The following CCDC171 variants were observed in gnomAD, a reference collection of about 807,000 sequenced individuals.
CCDC171 encodes the protein coiled-coil domain containing 171.
Under a neutral mutation model 168.2 loss-of-function variants are expected in CCDC171, and 177 were observed. The observed-to-expected ratio is 1.05, with a 90% CI of 0.93 to 1.19. CCDC171 has a LOEUF of 1.19. CCDC171 is among the 50% of genes most tolerant of loss of function. The pLI is 0.00. For missense variants in CCDC171, 1,991 were observed against 1,539.0 expected (o/e 1.29, Z -4.91); for synonymous variants, 687 against 540.8 (o/e 1.27, Z -3.75).
At chr9:15,645,047 C>G (rs752905896) in intron 7 of CCDC171, among the ~76,000 whole-genome samples, 3 of 152,212 alleles carry the variant, frequency 2.0e-5, no homozygotes, top group Non-Finnish European at 2.9e-5. Context: ...GACGAAGCTT[C>G]CAGAGGAACG....
intron 7 of CCDC171, among the ~76,000 whole-genome samples, chr9:15,641,942 T>C (rs1376721522): frequency 6.6e-6 from 1 of 152,116 alleles, no homozygotes; most frequent in Admixed American, 6.5e-5. Context: ...GGTGGGCGGA[T>C]CACTTGAGGT....
At chr9:15,822,124 A>G (rs1476764884) in intron 21 of CCDC171, among the ~76,000 whole-genome samples, 2 of 152,220 alleles carry the variant, frequency 1.3e-5, no homozygotes, top group Non-Finnish European at 2.9e-5. Context: ...AAAACTGGCT[A>G]GCCATATGTA....
chr9:16,023,906 T>A (rs995358843), intron 6 of CCDC171, among the ~76,000 whole-genome samples: 1 of 138,162 alleles, frequency 7.2e-6, no homozygotes, highest in African/African-American at 2.7e-5. Flanking sequence ...AAAGGAACTT[T>A]CTGGTTAAAT....
At chr9:15,593,337 A>G (rs2042126489) in intron 5 of CCDC171, among the ~76,000 whole-genome samples, 1 of 152,116 alleles carries the variant, frequency 6.6e-6, no homozygotes, top group Non-Finnish European at 1.5e-5. Flanking sequence ...AGCAAATTGC[A>G]TTTTATGTTT....
intron 5 of CCDC171, 125 bp downstream of exon 5, chr9:15,591,681 A>T (rs2042017784): frequency 3.3e-6 from 2 of 612,680 alleles, no homozygotes; most frequent in African/African-American, 2.0e-5. Context: ...CCTCCCTCCC[A>T]TTTTTTCTTT....
chr9:15,645,697 A>G (rs1018895074), intron 7 of CCDC171, among the ~76,000 whole-genome samples: 4 of 152,184 alleles, frequency 2.6e-5, no homozygotes, highest in African/African-American at 7.2e-5. Context: ...AGTTTAGAGA[A>G]AAAAGAGTAA....
At chr9:15,843,889 A>G (rs569106706) in intron 21 of CCDC171, among the ~76,000 whole-genome samples, 3 of 152,200 alleles carry the variant, frequency 2.0e-5, no homozygotes, top group African/African-American at 7.2e-5. Context: ...CAGGATCTTC[A>G]TTCTTCTCCC....
At chr9:15,749,286 T>C (rs1170004662) in intron 18 of CCDC171, among the ~76,000 whole-genome samples, 1 of 152,116 alleles carries the variant, frequency 6.6e-6, no homozygotes. Context: ...CCTAAATATA[T>C]ATGCACCCAA....
At chr9:15,936,697 G>A (rs1302318378) in intron 25 of CCDC171, among the ~76,000 whole-genome samples, 1 of 152,002 alleles carries the variant, frequency 6.6e-6, no homozygotes, top group Non-Finnish European at 1.5e-5. Flanking sequence ...TGCGCTCCAG[G>A]CATAAGAAAT....
chr9:15,600,968 T>G (rs1486415852), intron 6 of CCDC171, among the ~76,000 whole-genome samples: 1 of 152,306 alleles, frequency 6.6e-6, no homozygotes, highest in East Asian at 1.9e-4. Context: ...GTGTGCCGTT[T>G]GCTAAGACTG....
chr9:15,974,501 T>C (rs1362332343), downstream of CCDC171, among the ~76,000 whole-genome samples: 4 of 152,198 alleles, frequency 2.6e-5, no homozygotes, highest in African/African-American at 9.7e-5. Flanking sequence ...CACTTCCGAA[T>C]GTGGATTTTC....
intron 21 of CCDC171, among the ~76,000 whole-genome samples, chr9:15,814,993 A>G (rs537330926): frequency 6.6e-6 from 1 of 152,342 alleles, no homozygotes; most frequent in Non-Finnish European, 1.5e-5. Flanking sequence ...AAGTCTGTCC[A>G]TGAAAAATCT....
rs1433796123 is a variant in CCDC171 at position 15,784,523 on chromosome 9, T to C, written c.3096T>C (p.His1032=). 23 of 1,612,178 alleles carry C rather than the reference T, an allele frequency of 1.4e-5. No individual in the cohort carries two copies. Among genetic ancestry groups the C allele is most frequent in the African/African-American group, 2.7e-5 (2 of 74,860 alleles). Residue 1032 remains histidine, a synonymous_variant, in exon 21 of 26, where the codon CAT becomes CAC. Coordinates refer to ENST00000380701, the MANE Select transcript of CCDC171 (RefSeq NM_173550.4). ...NEFKQSKLIT[H]EKFESACEEL... is the part of the protein sequence containing the mutation. Reference sequence around the variant, plus strand: ...CCTTTTTACAGAAATTGATCACCCATGAGAAGTTTGAAAGTGCATGTGAAG... The same window carrying C: ...CCTTTTTACAGAAATTGATCACCCACGAGAAGTTTGAAAGTGCATGTGAAG...
intron 24 of CCDC171, 68 bp from the exon 25 acceptor site, chr9:15,920,202 A>G: frequency 9.9e-7 from 1 of 1,013,300 alleles, no homozygotes; most frequent in Non-Finnish European, 1.3e-6. Context: ...TTGCTTTCAA[A>G]TTATGGAAAT....
chr9:15,924,537 A>G (rs753955930), intron 25 of CCDC171, among the ~76,000 whole-genome samples: 12 of 151,374 alleles, frequency 7.9e-5, no homozygotes, highest in Non-Finnish European at 1.2e-4. Context: ...CTAACCTAAC[A>G]CTTTCAACTA....
intron 1 of CCDC171, among the ~76,000 whole-genome samples, chr9:16,047,844 G>A (rs1026733960): frequency 6.6e-5 from 10 of 152,196 alleles, no homozygotes; most frequent in African/African-American, 2.2e-4. Flanking sequence ...AAATATTCTC[G>A]ATCATCATTG....
At chr9:15,954,595 C>T (rs1364583501) in intron 25 of CCDC171, among the ~76,000 whole-genome samples, 2 of 151,778 alleles carry the variant, frequency 1.3e-5, no homozygotes, top group Non-Finnish European at 2.9e-5. Context: ...AGACTCTGTT[C>T]ACTTTTCTTC....
rs550084258 is a variant in CCDC171 at position 15,581,375 on chromosome 9, A to T, written c.352+2352A>T. Among the ~76,000 whole-genome samples, 5 of 152,324 alleles carry T rather than the reference A, an allele frequency of 3.3e-5. No individual in the cohort carries two copies. In the East Asian group the frequency reaches 9.6e-4, roughly 29 times the overall value. On this transcript the variant is annotated intron_variant, in intron 4 of 25. Coordinates refer to ENST00000380701, the MANE Select transcript of CCDC171 (RefSeq NM_173550.4). ...ACTGCCCAAAGTAATGTATAGATTGAATGCTGTCCCCATCAAGCTACCACT... is the reference window on the plus strand; with the variant it reads ...ACTGCCCAAAGTAATGTATAGATTGTATGCTGTCCCCATCAAGCTACCACT...
intron 21 of CCDC171, among the ~76,000 whole-genome samples, chr9:15,808,678 T>C (rs1030622820): frequency 6.6e-6 from 1 of 152,018 alleles, no homozygotes; most frequent in Non-Finnish European, 1.5e-5. Context: ...AGGCGTGAAG[T>C]TGGAGTATGG....
Sources: allele counts gnomAD v4.1 joint callset (sites outside exome capture counted in the v4.1 genomes callset), GRCh38; gene constraint gnomAD v4.1.1; transcripts MANE v1.5; gene names NCBI Gene and HGNC (gene_info 2026-07-23, HGNC 2026-07-21).